Variants in RSPH14 observed in about 807,000 individuals in gnomAD.
The protein encoded by RSPH14 is rhabdoid tumor deletion region gene 1.
RSPH14 carries 20 observed loss-of-function variants against 26.7 expected under a neutral mutation model. The ratio of observed to expected loss-of-function variants is 0.75; its 90% CI spans 0.53 to 1.09. The LOEUF (loss-of-function observed/expected upper bound fraction) is 1.09, where lower values mean the gene tolerates loss of function less well. Ranked by LOEUF, RSPH14 falls within the 50% of genes least tolerant of loss-of-function variation. The probability of loss-of-function intolerance (pLI) is 0.00; values close to 1 mark genes in which losing one functional copy is unlikely to be tolerated. For synonymous variants in RSPH14, 177 were observed against 189.3 expected (o/e 0.93, Z 0.53); for missense variants, 449 against 457.2 (o/e 0.98, Z 0.16).
rs901052059 is a variant in RSPH14, at chr22:23,071,130, A to G, written c.422-6997T>C. Among the ~76,000 whole-genome samples the G allele has an allele frequency of 2.0e-5, 3 of 152,262 alleles. No individual in the cohort carries two copies. Among genetic ancestry groups the G allele is most frequent in the Non-Finnish European group, 2.9e-5 (2 of 68,010 alleles). On this transcript the variant is annotated intron_variant, in intron 4 of 6. Coordinates refer to ENST00000216036, the MANE Select transcript of RSPH14 (RefSeq NM_014433.3). The surrounding 1 kb of genome is among the most constrained non-coding windows in gnomAD (Gnocchi z 4.1). ...TGCAGCGAGCAGGTTCCTCACAGGC[A>G]TTTAGAGGAAGAGATGAGTATCGAC...
intron 4 of RSPH14, among the ~76,000 whole-genome samples, chr22:23,128,010 C>T (rs1280388379): frequency 6.6e-6 from 1 of 152,138 alleles, no homozygotes; most frequent in Non-Finnish European, 1.5e-5. Flanking sequence ...AGGGTCAGAA[C>T]AGGCCCCATC....
At chr22:23,101,388 C>T (rs1429904375) in intron 4 of RSPH14, among the ~76,000 whole-genome samples, 1 of 152,164 alleles carries the variant, frequency 6.6e-6, no homozygotes, top group African/African-American at 2.4e-5. Flanking sequence ...GACTGGGTTC[C>T]ACCCTTGGAG....
At chr22:23,101,753 G>T (rs1481001635) in intron 4 of RSPH14, among the ~76,000 whole-genome samples, 1 of 152,222 alleles carries the variant, frequency 6.6e-6, no homozygotes, top group Non-Finnish European at 1.5e-5. Flanking sequence ...AGATCCAGAG[G>T]CAGGGCCAGG....
the RSPH14 span, among the ~76,000 whole-genome samples, chr22:23,167,774 C>T: frequency 6.6e-6 from 1 of 151,972 alleles, no homozygotes; most frequent in African/African-American, 2.4e-5. Flanking sequence ...CCTCAAACTC[C>T]CGGTCTCAAG....
intron 2 of RSPH14, 63 bp from the exon 3 acceptor site, chr22:23,139,005 C>A: frequency 7.2e-7 from 1 of 1,392,012 alleles, no homozygotes; most frequent in Non-Finnish European, 9.8e-7. Flanking sequence ...CAGAAACCAA[C>A]CAACCCAGAA....
chr22:23,144,108 A>C (rs982724917), upstream of RSPH14, among the ~76,000 whole-genome samples: 10 of 151,030 alleles, frequency 6.6e-5, no homozygotes, highest in African/African-American at 1.7e-4. Context: ...AAAAAAAAAA[A>C]AAAAAAAAAA....
chr22:23,170,365 C>A, the RSPH14 span, among the ~76,000 whole-genome samples: 1 of 152,174 alleles, frequency 6.6e-6, no homozygotes. Context: ...CTGGCAAGGG[C>A]CCTTTTCTAG....
In RSPH14 at chr22:23,137,398, T is replaced by C. The variant is rs1373141463; in HGVS notation, c.302+1442A>G. 2.7e-5 allele frequency among the ~76,000 whole-genome samples: 4 copies of C among 149,408 alleles called. No homozygotes were observed. In the Admixed American group the frequency reaches 2.7e-4, roughly 10 times the overall value. The stretch of plus-strand genomic sequence containing the variant: ...TGTCATGCAAATTAACTCCTCAAGG[T>C]GACAAGATGCCAAGCCCAGGGCTGC... On this transcript the variant is annotated intron_variant, in intron 3 of 6. Coordinates refer to ENST00000216036, the MANE Select transcript of RSPH14 (RefSeq NM_014433.3).
chr22:23,156,858 G>A, the RSPH14 span, among the ~76,000 whole-genome samples: 13 of 152,268 alleles, frequency 8.5e-5, no homozygotes, highest in Middle Eastern at 3.4e-3. Flanking sequence ...TAAGAGGTGC[G>A]AGGCGCCTGG....
At chr22:23,161,908 G>A in the RSPH14 span, 1 of 300,920 alleles carries the variant, frequency 3.3e-6, no homozygotes. Context: ...CTCCTGCGTC[G>A]GTCTATACTA....
intron 4 of RSPH14, among the ~76,000 whole-genome samples, chr22:23,106,385 G>C (rs1458678866): frequency 6.6e-6 from 1 of 152,264 alleles, no homozygotes; most frequent in Non-Finnish European, 1.5e-5. Flanking sequence ...GCTCTGCCCA[G>C]TGGGTGAAGC....
the RSPH14 span, chr22:23,152,506 G>A: frequency 1.2e-6 from 2 of 1,614,202 alleles, no homozygotes; most frequent in Non-Finnish European, 1.7e-6. Context: ...TCTACGTGGG[G>A]AAGACCAGCC....
the RSPH14 span, chr22:23,180,422 G>A: frequency 1.8e-5 from 3 of 169,212 alleles, no homozygotes; most frequent in South Asian, 1.8e-4. Context: ...CCCGCCCTGT[G>A]CCCACGGCGC....
At chr22:23,128,722 A>C (rs1327053712) in intron 4 of RSPH14, among the ~76,000 whole-genome samples, 1 of 152,226 alleles carries the variant, frequency 6.6e-6, no homozygotes, top group Non-Finnish European at 1.5e-5. Flanking sequence ...CGGTGGCCAG[A>C]ACAAAACAGG....
At chr22:23,177,354 G>A in the RSPH14 span, among the ~76,000 whole-genome samples, 6 of 152,092 alleles carry the variant, frequency 3.9e-5, no homozygotes, top group African/African-American at 1.2e-4. Context: ...CATCGCTCTC[G>A]GTGACCTATC....
At chr22:23,070,353 T>TGGTGGCG (rs1411400763) in intron 4 of RSPH14, 1 of 142,308 alleles carries the variant, frequency 7.0e-6, no homozygotes, top group Non-Finnish European at 1.6e-5. Context: ...ACCCGCGGAC[T>TGGTGGCG]GGCGGCGGGC....
At chr22:23,160,866 T>A in the RSPH14 span, 17 of 1,611,532 alleles carry the variant, frequency 1.1e-5, no homozygotes, top group African/African-American at 1.1e-4. Flanking sequence ...CCGGCTGTCT[T>A]GTGGGCCCAC....
intron 4 of RSPH14, among the ~76,000 whole-genome samples, chr22:23,077,005 A>G (rs1015455052): frequency 1.3e-5 from 2 of 152,078 alleles, no homozygotes; most frequent in African/African-American, 4.8e-5. Context: ...TCCTTATCTC[A>G]ACTCTGGAGT....
chr22:23,150,698 T>G, the RSPH14 span, among the ~76,000 whole-genome samples: 1 of 152,154 alleles, frequency 6.6e-6, no homozygotes, highest in African/African-American at 2.4e-5. Context: ...CAGCCTCAGG[T>G]CTTGGTACAA....
Sources: allele counts gnomAD v4.1 joint callset (sites outside exome capture counted in the v4.1 genomes callset), GRCh38; gene constraint gnomAD v4.1.1; non-coding constraint Gnocchi (gnomAD v3.1); transcripts MANE v1.5; gene names NCBI Gene and HGNC (gene_info 2026-07-23, HGNC 2026-07-21).